Variants in DMBT1 observed in about 807,000 individuals in gnomAD.
DMBT1 encodes deleted in malignant brain tumors 1.
A neutral mutation model predicts 252.9 loss-of-function variants in DMBT1; 198 were observed. The observed-to-expected ratio is 0.78, with a 90% CI of 0.70 to 0.88. DMBT1 has a LOEUF of 0.88. Among genes scored for constraint, DMBT1 ranks in the 40% least tolerant of loss-of-function variants. DMBT1 has a pLI of 0.00. For missense variants in DMBT1, 2,432 were observed against 2,404.7 expected (o/e 1.01, Z -0.24); for synonymous variants, 990 against 942.7 (o/e 1.05, Z -0.92).
chr10:122,588,251 T>A (rs778254589), intron 16 of DMBT1, among the ~76,000 whole-genome samples: 2 of 147,946 alleles, frequency 1.4e-5, no homozygotes, highest in African/African-American at 2.4e-5. Context: ...AGGGTCAGGG[T>A]GGGTCCCTGT....
chr10:122,566,662 A>G (rs2097596121), intron 2 of DMBT1, among the ~76,000 whole-genome samples: 1 of 152,174 alleles, frequency 6.6e-6, no homozygotes, highest in Non-Finnish European at 1.5e-5. Flanking sequence ...ACTAACATCT[A>G]CCAAGCACTT....
At position 122,570,956 on chromosome 10, in the gene DMBT1, G is replaced by T. The variant is rs1257290368; in HGVS notation, c.187+19G>T. ...GCAGAAGGTAACGTCTACTATGGGG[G>T]ATCCCTGTGGGCTCATTACCCCACT... On this transcript the variant is annotated intron_variant, in intron 4 of 55. Coordinates refer to ENST00000338354, the MANE Select transcript of DMBT1 (RefSeq NM_001377530.1). The T allele has an allele frequency of 1.2e-6, 2 of 1,611,542 alleles. No individual in the cohort carries two copies. The highest frequency in any genetic ancestry group is 1.7e-5 in the Admixed American group (1 of 60,010).
rs759420611 is a variant in DMBT1, at chr10:122,631,865, A to G, written c.6357A>G (p.Leu2119=). 3 of 1,613,564 alleles carry G rather than the reference A, an allele frequency of 1.9e-6. No homozygotes were observed. The highest frequency in any genetic ancestry group is 2.2e-5 in the East Asian group (1 of 44,868). Residue 2119 remains leucine, a synonymous_variant, in exon 50 of 56, where the codon CTA becomes CTG. Transcript: ENST00000338354. ...DAGVICSGNH[L]STPAPFLNIT... is the part of the protein sequence containing the mutation. The stretch of plus-strand genomic sequence containing the variant: ...CTATTCCTTTTTCAGGAAACCATCT[A>G]TCGACACCTGGTAAGTCCCTCCGAT...
intron 1 of DMBT1, among the ~76,000 whole-genome samples, chr10:122,564,786 T>C (rs2097576253): frequency 6.6e-6 from 1 of 152,216 alleles, no homozygotes; most frequent in Admixed American, 6.5e-5. Context: ...GAAATTCATC[T>C]AGGATATCAT....
In DMBT1 at chr10:122,598,862, C is replaced by T; in HGVS notation, c.3045C>T (p.Gly1015=). ...RVEVLYQGSW[G]TVCDDSWDTN... is the part of the protein sequence containing the mutation. ...AGGTCCTATACCAAGGCTCCTGGGG[C>T]ACCGTGTGCGATGACAGCTGGGACA... The change falls in exon 26 of 56, where the codon GGC becomes GGT. Residue 1015 remains glycine, a synonymous_variant. Coordinates refer to ENST00000338354, the MANE Select transcript of DMBT1 (RefSeq NM_001377530.1). The T allele has an allele frequency of 1.9e-6, 3 of 1,613,810 alleles. No individual in the cohort carries two copies. The highest frequency in any genetic ancestry group is 2.2e-5 in the South Asian group (2 of 91,070).
Position 122,630,280 on chromosome 10 carries a change from C to G in DMBT1, c.5823-8C>G. 1.9e-6 allele frequency: 3 copies of G among 1,611,918 alleles called. No homozygotes were observed. Among genetic ancestry groups the G allele is most frequent in the Non-Finnish European group, 2.5e-6 (3 of 1,178,000 alleles). On this transcript the variant is annotated splice_region_variant and splice_polypyrimidine_tract_variant and intron_variant, in intron 47 of 55. Coordinates refer to ENST00000338354, the MANE Select transcript of DMBT1 (RefSeq NM_001377530.1). The stretch of plus-strand genomic sequence containing the variant: ...CAATGTTGACTTGAATACATTTTCT[C>G]CATACAGATTGGAGGCACACCATAA...
At chr10:122,564,989 T>G (rs766536938) in intron 1 of DMBT1, among the ~76,000 whole-genome samples, 2 of 152,032 alleles carry the variant, frequency 1.3e-5, no homozygotes, top group Non-Finnish European at 2.9e-5. Context: ...TTTAACTGCA[T>G]TCAATGAAAG....
chr10:122,630,501 A>G lies in DMBT1; in HGVS notation c.6025+11A>G, dbSNP rs749503362. The G allele has an allele frequency of 2.5e-6, 4 of 1,613,214 alleles. No homozygotes were observed. On this transcript the variant is annotated intron_variant, in intron 48 of 55. Coordinates refer to ENST00000338354, the MANE Select transcript of DMBT1 (RefSeq NM_001377530.1). ...ACTCCTTCCCAAGCGGTAAGTGCAC[A>G]CTAGACCATGCCTATGAGGCTTGGT...
chr10:122,643,257 G>C lies in DMBT1; in HGVS notation c.7488G>C (p.Ala2496=). 1 of 1,613,986 alleles carries C rather than the reference G, an allele frequency of 6.2e-7. No individual in the cohort carries two copies. Among genetic ancestry groups the C allele is most frequent in the Admixed American group, 1.7e-5 (1 of 60,022 alleles). ...GTTGTAAAATGGTGGTGTGCAGAGC[G>C]TATGACCCCTCTTCCCGCTGCTACC... ...YLRCKMVVCR[A]YDPSSRCYRG... is the part of the protein sequence containing the mutation. The change falls in exon 56 of 56, where the codon GCG becomes GCC. Residue 2496 remains alanine (A), a synonymous_variant. Transcript: ENST00000338354.
intron 2 of DMBT1, 60 bp from the exon 3 acceptor site, chr10:122,570,102 G>T (rs1289748793): frequency 1.1e-4 from 166 of 1,461,830 alleles, no homozygotes; most frequent in Non-Finnish European, 2.9e-6. Context: ...AGGAAGCCAG[G>T]GACCAGCCCT....
intron 42 of DMBT1, among the ~76,000 whole-genome samples, 176 bp downstream of exon 42, chr10:122,619,513 G>A (rs887684494): frequency 6.6e-6 from 1 of 152,192 alleles, no homozygotes; most frequent in African/African-American, 2.4e-5. Flanking sequence ...ATAGGGTTCA[G>A]GAGGCTTCTG....
At chr10:122,629,789 A>T in intron 46 of DMBT1, 51 bp from the exon 47 acceptor site, 1 of 1,589,304 alleles carries the variant, frequency 6.3e-7, no homozygotes, top group Non-Finnish European at 8.6e-7. Flanking sequence ...TCCTTGTCAC[A>T]AAATACCTGA....
Position 122,590,772 on chromosome 10 carries a change from T to A in DMBT1, c.2137+78T>A. Reference sequence around the variant, plus strand: ...TCCTTTTTCCCATTCCACAGAGCCCTCCTTCTTACCTGTGTGGATACTGTG... The same window carrying A: ...TCCTTTTTCCCATTCCACAGAGCCCACCTTCTTACCTGTGTGGATACTGTG... On this transcript the variant is annotated intron_variant, in intron 18 of 55. Transcript: ENST00000338354. The A allele has an allele frequency of 1.5e-5, 23 of 1,512,804 alleles. 1 individual carries two copies. Among genetic ancestry groups the A allele is most frequent in the Non-Finnish European group, 2.1e-5 (23 of 1,100,696 alleles). 93.7% of individuals were successfully genotyped at this position (1,512,804 alleles called of 1,614,324 possible).
intron 20 of DMBT1, 114 bp downstream of exon 20, chr10:122,592,709 A>G (rs899370670): frequency 1.3e-6 from 2 of 1,505,630 alleles, no homozygotes; most frequent in African/African-American, 2.7e-5. Flanking sequence ...TCCTATATTT[A>G]TGTAGTCTTG....
rs570881147 is a variant in DMBT1 at position 122,576,264 on chromosome 10, G to C, written c.284-135G>C. The stretch of plus-strand genomic sequence containing the variant: ...CCCCATGAAGAACTCTAACCTTAAG[G>C]CCTGTTAAAGCCCAGCCCAATTAGA... On this transcript the variant is annotated intron_variant, in intron 6 of 55. Transcript: ENST00000338354. 2.3e-6 allele frequency: 3 copies of C among 1,303,742 alleles called. No individual in the cohort carries two copies. The East Asian group carries it at 7.4e-5, about 32-fold the overall frequency. 80.8% of individuals were successfully genotyped at this position (1,303,742 alleles called of 1,614,324 possible).
Position 122,618,225 on chromosome 10 carries a change from T to G in DMBT1, c.5100T>G (p.Ile1700Met). 1 of 1,613,800 alleles carries G rather than the reference T, an allele frequency of 6.2e-7. No homozygotes were observed. The highest frequency in any genetic ancestry group is 8.5e-7 in the Non-Finnish European group (1 of 1,179,772). The change falls in exon 41 of 56, where the codon ATT (isoleucine) becomes ATG (methionine). Residue 1700 changes from isoleucine (I) to methionine (M), a missense_variant. Ile to Met is a conservative substitution (Grantham distance 10). Transcript: ENST00000338354. ...AGTTTGGCCAGGGCTCAGGACCCAT[T>G]GTCCTGGATGATGTGCGCTGCTCAG... ...NAQFGQGSGP[I>M]VLDDVRCSGH... is the part of the protein sequence containing the mutation.
In DMBT1 at chr10:122,572,241, T is replaced by A. The variant is rs2097670696; in HGVS notation, c.188-73T>A. ...GTGTTTCCAGCCCTTGCTTCAGACC[T>A]GAGGAAGCCATGGACCAACCCTCTT... On this transcript the variant is annotated intron_variant, in intron 4 of 55. Coordinates refer to ENST00000338354, the MANE Select transcript of DMBT1 (RefSeq NM_001377530.1). 1.9e-6 allele frequency: 3 copies of A among 1,592,670 alleles called. No individual in the cohort carries two copies. In the African/African-American group the frequency reaches 4.0e-5, roughly 21 times the overall value.
Position 122,579,828 on chromosome 10 carries a change from G to C in DMBT1, c.930G>C (p.Leu310=). Reference sequence around the variant, plus strand: ...GCTGCTCAGGACATGAGTCCTACCTGTGGAGCTGCCCCCACAATGGCTGGC... The same window carrying C: ...GCTGCTCAGGACATGAGTCCTACCTCTGGAGCTGCCCCCACAATGGCTGGC... ...DVRCSGHESY[L]WSCPHNGWLT... The change falls in exon 10 of 56, where the codon CTG becomes CTC. Residue 310 remains leucine (L), a synonymous_variant. Coordinates refer to ENST00000338354, the MANE Select transcript of DMBT1 (RefSeq NM_001377530.1). 6.2e-7 allele frequency: 1 copy of C among 1,613,642 alleles called. No homozygotes were observed. The highest frequency in any genetic ancestry group is 8.5e-7 in the Non-Finnish European group (1 of 1,179,634).
chr10:122,624,192 C>T (rs2098097376), intron 44 of DMBT1, among the ~76,000 whole-genome samples: 1 of 152,114 alleles, frequency 6.6e-6, no homozygotes, highest in Non-Finnish European at 1.5e-5. Context: ...GCACTTGAGC[C>T]CAGTGGTCCC....
Sources: allele counts gnomAD v4.1 joint callset (sites outside exome capture counted in the v4.1 genomes callset), GRCh38; gene constraint gnomAD v4.1.1; transcripts MANE v1.5; gene names NCBI Gene and HGNC (gene_info 2026-07-23, HGNC 2026-07-21).